C2orf74: variants seen among roughly 807,000 people sequenced by gnomAD.
C2orf74 encodes the protein uncharacterized protein C2orf74.
C2orf74 carries 14 observed loss-of-function variants against 17.9 expected under a neutral mutation model. That is an observed-to-expected ratio of 0.78 (90% confidence interval 0.52 to 1.22). C2orf74 has a LOEUF of 1.22. Ranked by LOEUF, C2orf74 falls within the 50% of genes most tolerant of loss-of-function variation. The probability of loss-of-function intolerance (pLI) is 0.00; values close to 1 mark genes in which losing one functional copy is unlikely to be tolerated. For missense variants in C2orf74, 217 were observed against 218.4 expected, an observed-to-expected ratio of 0.99 and a Z score of 0.04; for synonymous variants, 79 against 72.6, an observed-to-expected ratio of 1.09 and a Z score of -0.44.
At chr2:61,159,390 C>T (rs1243640911), upstream of C2orf74, 1 of 263,378 alleles carries the variant, frequency 3.8e-6, no homozygotes, top group Non-Finnish European at 7.7e-6. Context: ...TCTGCCTTCC[C>T]AGTTCAAGCA....
chr2:61,149,581 T>C (rs986430475), intron 1 of C2orf74, among the ~76,000 whole-genome samples: 3 of 143,098 alleles, frequency 2.1e-5, no homozygotes, highest in African/African-American at 5.4e-5. Context: ...TTTCTTTTTT[T>C]TTTTTTTTTT....
chr2:61,156,942 C>T (rs950255781), intron 1 of C2orf74, among the ~76,000 whole-genome samples: 3 of 152,180 alleles, frequency 2.0e-5, no homozygotes, highest in African/African-American at 7.2e-5. Flanking sequence ...TGTTTTGTTG[C>T]AGACCAATGA....
At chr2:61,154,649 T>C (rs1685341702) in intron 1 of C2orf74, among the ~76,000 whole-genome samples, 1 of 152,158 alleles carries the variant, frequency 6.6e-6, no homozygotes, top group Non-Finnish European at 1.5e-5. Context: ...AAAAATTGTT[T>C]TAAGTCTGCT....
intron 1 of C2orf74, among the ~76,000 whole-genome samples, chr2:61,154,270 T>G (rs951024964): frequency 6.6e-6 from 1 of 151,322 alleles, no homozygotes; most frequent in East Asian, 1.9e-4. Flanking sequence ...AATTCAAAAG[T>G]TCAAATTCCA....
At chr2:61,155,247 T>C (rs1162568229) in intron 1 of C2orf74, among the ~76,000 whole-genome samples, 1 of 152,226 alleles carries the variant, frequency 6.6e-6, no homozygotes, top group African/African-American at 2.4e-5. Flanking sequence ...GAGAAACTAA[T>C]TTCTAGGCTT....
In C2orf74 at chr2:61,162,947, C is replaced by G. The variant is rs1289260083; in HGVS notation, c.201C>G (p.Asp67Glu). The G allele has an allele frequency of 6.4e-7, 1 of 1,552,354 alleles. No homozygotes were observed. Among genetic ancestry groups the G allele is most frequent in the Non-Finnish European group, 8.7e-7 (1 of 1,147,100 alleles). Residue 67 changes from aspartate to glutamate, a missense_variant, in exon 3 of 5, where the codon GAC (aspartate) becomes GAG (glutamate). By Grantham distance (45) the Asp-to-Glu change is conservative. Coordinates refer to ENST00000432605, the MANE Select transcript of C2orf74 (RefSeq NM_001143959.4). ...AAGTGGTGACAAGCAATCCAGAGGA[C>G]CATGAAAGGCGAGTGTGGTGCAGGA... is the stretch of plus-strand genomic sequence containing the variant. ...AAKVVTSNPE[D>E]HERILMQVMN...
At chr2:61,164,314 T>C in intron 4 of C2orf74, 40 bp from the exon 5 acceptor site, 1 of 1,447,874 alleles carries the variant, frequency 6.9e-7, no homozygotes, top group Non-Finnish European at 9.1e-7. Context: ...TTGTCATAAA[T>C]TGATTATTTG....
intron 1 of C2orf74, among the ~76,000 whole-genome samples, chr2:61,149,352 G>A (rs1199496888): frequency 6.6e-6 from 1 of 152,168 alleles, no homozygotes; most frequent in African/African-American, 2.4e-5. Flanking sequence ...CTGTAATAAG[G>A]CCTCCTGCAG....
At chr2:61,157,677 C>G (rs76016512), upstream of C2orf74, among the ~76,000 whole-genome samples, 433 of 152,300 alleles carry the variant, frequency 2.8e-3, 1 homozygote, top group African/African-American at 8.7e-3. Context: ...CTGCAAATAT[C>G]TTAACACTGA....
Position 61,164,666 on chromosome 2 carries a change from G to T in C2orf74, c.*139G>T. The stretch of plus-strand genomic sequence containing the variant: ...ATATTATTTTACCTTTGTGCAGAAA[G>T]GAGTGAGCCATGTGCAAAATTCTGT... On this transcript the variant is annotated 3_prime_UTR_variant, in exon 5 of 5. Transcript: ENST00000432605. 1 of 703,354 alleles carries T rather than the reference G, an allele frequency of 1.4e-6. No individual in the cohort carries two copies. 43.6% of individuals were successfully genotyped at this position (703,354 alleles called of 1,614,324 possible).
chr2:61,161,661 A>G (rs1051003774), upstream of C2orf74: 4 of 152,214 alleles, frequency 2.6e-5, no homozygotes, highest in Non-Finnish European at 5.9e-5. Flanking sequence ...TTGTGCATCA[A>G]TATTCATAAA....
At chr2:61,147,365 A>G (rs1009723091) in intron 1 of C2orf74, among the ~76,000 whole-genome samples, 8 of 152,184 alleles carry the variant, frequency 5.3e-5, no homozygotes, top group African/African-American at 1.9e-4. Context: ...TTTCCCAGAC[A>G]ATAATATTAT....
intron 1 of C2orf74, among the ~76,000 whole-genome samples, chr2:61,145,942 T>G (rs1435021681): frequency 6.6e-6 from 1 of 152,192 alleles, no homozygotes. Flanking sequence ...ACAGGTGCAG[T>G]GTTACAGTGC....
intron 1 of C2orf74, among the ~76,000 whole-genome samples, chr2:61,155,584 G>A (rs1200481126): frequency 1.3e-5 from 2 of 151,996 alleles, no homozygotes; most frequent in Non-Finnish European, 2.9e-5. Flanking sequence ...GCAGTGGCGC[G>A]ATCTCGGCTC....
At chr2:61,154,350 A>G (rs1265930665) in intron 1 of C2orf74, among the ~76,000 whole-genome samples, 1 of 152,162 alleles carries the variant, frequency 6.6e-6, no homozygotes, top group Non-Finnish European at 1.5e-5. Flanking sequence ...AAAACAGGGA[A>G]AGTTTGAGAA....
chr2:61,147,200 T>C (rs1326557608), intron 1 of C2orf74, among the ~76,000 whole-genome samples: 2 of 139,328 alleles, frequency 1.4e-5, no homozygotes, highest in East Asian at 2.1e-4. Flanking sequence ...GGTGAAATTA[T>C]GGGAGATTTT....
chr2:61,155,193 GAAAT>G lies in C2orf74; in HGVS notation c.-121-7645_-121-7642del, dbSNP rs569136669. Among the ~76,000 whole-genome samples, 26 of 152,268 alleles carry G rather than the reference GAAAT, an allele frequency of 1.7e-4. No individual in the cohort carries two copies. In the South Asian group the frequency reaches 4.6e-3, roughly 27 times the overall value. On this transcript the variant is annotated intron_variant, in intron 1 of 3. Transcript: ENST00000426997. The stretch of plus-strand genomic sequence containing the variant: ...GGGGTTTCTTTTAATTCAACAAAGA[GAAAT>G]AAAGCCTCCTGTGATTAAGAAAGAC...
chr2:61,154,719 T>TA (rs1454442727), intron 1 of C2orf74, among the ~76,000 whole-genome samples: 1 of 152,082 alleles, frequency 6.6e-6, no homozygotes, highest in Admixed American at 6.6e-5. Flanking sequence ...AGCACTAGGT[T>TA]ACCAATCATG....
intron 1 of C2orf74, among the ~76,000 whole-genome samples, chr2:61,152,867 A>G (rs1685274956): frequency 6.7e-6 from 1 of 150,254 alleles, no homozygotes; most frequent in Admixed American, 6.6e-5. Flanking sequence ...AAAAAAAAAA[A>G]AAAGCCAGGC....
Sources: gnomAD v4.1 joint callset for allele counts (sites outside exome capture counted in the v4.1 genomes callset) on GRCh38, gnomAD v4.1.1 for gene constraint, MANE v1.5 for transcripts, NCBI Gene and HGNC (gene_info 2026-07-23, HGNC 2026-07-21) for gene names.